The following AMOTL1 variants were observed in gnomAD, a reference collection of about 807,000 sequenced individuals.
The protein encoded by AMOTL1 is angiomotin-like protein 1.
In AMOTL1, 45 loss-of-function variants were observed where a neutral mutation model predicts 102.9. That is an observed-to-expected ratio of 0.44 (90% CI 0.34 to 0.56). AMOTL1 has a LOEUF of 0.56. Among genes scored for constraint, AMOTL1 ranks in the 20% least tolerant of loss-of-function variants. The pLI is 0.01. For missense variants in AMOTL1, 1,114 were observed against 1,225.6 expected, an observed-to-expected ratio of 0.91 and a Z score of 1.36; for synonymous variants, 481 against 484.7, an observed-to-expected ratio of 0.99 and a Z score of 0.10.
chr11:94,730,481 C>T (rs112426256), intron 2 of AMOTL1, among the ~76,000 whole-genome samples: 2 of 152,278 alleles, frequency 1.3e-5, no homozygotes, highest in African/African-American at 4.8e-5. Context: ...CCTCCCTCCT[C>T]AGTGCTGCCA....
intron 3 of AMOTL1, among the ~76,000 whole-genome samples, chr11:94,819,386 A>G (rs898000175): frequency 1.3e-5 from 2 of 152,180 alleles, no homozygotes; most frequent in African/African-American, 2.4e-5. Flanking sequence ...GACACAACAC[A>G]AAGTCATCCC....
intron 3 of AMOTL1, among the ~76,000 whole-genome samples, chr11:94,741,247 A>AGTGC (rs1950522760): frequency 6.6e-6 from 1 of 150,806 alleles, no homozygotes; most frequent in Non-Finnish European, 1.5e-5. Context: ...TGTGTGTGTG[A>AGTGC]GTGCGTGTGT....
At position 94,814,165 on chromosome 11, in the gene AMOTL1, C is replaced by A. The variant is rs369458768; in HGVS notation, c.1122-7365C>A. On this transcript the variant is annotated intron_variant, in intron 3 of 12. Coordinates refer to ENST00000433060, the MANE Select transcript of AMOTL1 (RefSeq NM_130847.3). ...ATCTTTTTATGTCAGGTAGCAATTA[C>A]AAGGAAAACCAAGGAGAGAGGCTGA... 1.1e-3 allele frequency among the ~76,000 whole-genome samples: 173 copies of A among 152,192 alleles called. 5 individuals carry two copies. The South Asian group carries it at 0.034, about 30-fold the overall frequency.
chr11:94,861,329 T>G (rs758984096), intron 9 of AMOTL1, among the ~76,000 whole-genome samples: 5 of 150,270 alleles, frequency 3.3e-5, no homozygotes, highest in Non-Finnish European at 7.4e-5. Flanking sequence ...ATTGAAATGG[T>G]TTTTTTTTCA....
chr11:94,813,764 C>G (rs778393934), intron 3 of AMOTL1, among the ~76,000 whole-genome samples: 1 of 152,210 alleles, frequency 6.6e-6, no homozygotes, highest in African/African-American at 2.4e-5. Context: ...ACAGGAGCTT[C>G]GATCAGGAAT....
rs1591990516 is a variant in AMOTL1 at position 94,811,163 on chromosome 11, G to A, written c.1122-10367G>A. On this transcript the variant is annotated intron_variant, in intron 3 of 12. Transcript: ENST00000433060. ...GGCTTGGCTTGTTACATAAATAAAG[G>A]TGCCCTTGTTATGTAAATAAAGCCC... Among the ~76,000 whole-genome samples the A allele has an allele frequency of 2.0e-5, 3 of 151,942 alleles. No individual in the cohort carries two copies. The South Asian group carries it at 6.2e-4, about 32-fold the overall frequency.
chr11:94,762,572 C>G (rs1950806824), intron 3 of AMOTL1, among the ~76,000 whole-genome samples: 1 of 152,158 alleles, frequency 6.6e-6, no homozygotes, highest in South Asian at 2.1e-4. Flanking sequence ...TTTCAGTACT[C>G]CCAAGGTTTC....
chr11:94,710,155 C>A (rs1294898662), intron 1 of AMOTL1, among the ~76,000 whole-genome samples: 1 of 152,186 alleles, frequency 6.6e-6, no homozygotes, highest in Non-Finnish European at 1.5e-5. Flanking sequence ...TGTGCCCAAT[C>A]CTCCACATGG....
chr11:94,830,208 T>A lies in AMOTL1; in HGVS notation c.1558+14T>A. 1 of 1,588,314 alleles carries A rather than the reference T, an allele frequency of 6.3e-7. No homozygotes were observed. The highest frequency in any genetic ancestry group is 1.2e-5 in the South Asian group (1 of 85,234). On this transcript the variant is annotated intron_variant, in intron 5 of 12. Coordinates refer to ENST00000433060, the MANE Select transcript of AMOTL1 (RefSeq NM_130847.3). ...GAGACCTCCGAGGCAGGTTTATTCA[T>A]GTTCTCTCTATCTAAACTACCTGTA...
At position 94,864,762 on chromosome 11, in the gene AMOTL1, G is replaced by T; in HGVS notation, c.2163G>T (p.Arg721=). The change falls in exon 10 of 13, where the codon CGG becomes CGT. Residue 721 remains arginine (R), a synonymous_variant. Coordinates refer to ENST00000433060, the MANE Select transcript of AMOTL1 (RefSeq NM_130847.3). ...ERDTTIINHS[R]NGSYGESSLE... ...ACACCACGATCATCAACCACTCACG[G>T]AATGGCAGCTACGGAGAGAGCTCGC... is the stretch of plus-strand genomic sequence containing the variant. 6.2e-7 allele frequency: 1 copy of T among 1,613,726 alleles called. No individual in the cohort carries two copies. The highest frequency in any genetic ancestry group is 8.5e-7 in the Non-Finnish European group (1 of 1,179,718).
chr11:94,771,823 C>G (rs1175652979), intron 1 of AMOTL1, among the ~76,000 whole-genome samples: 2 of 152,098 alleles, frequency 1.3e-5, no homozygotes, highest in Admixed American at 6.5e-5. Flanking sequence ...CATTTTCCCC[C>G]CATCTTTTAG....
chr11:94,753,838 C>T (rs1439651684), intron 3 of AMOTL1, among the ~76,000 whole-genome samples: 1 of 152,200 alleles, frequency 6.6e-6, no homozygotes, highest in Non-Finnish European at 1.5e-5. Context: ...ATACTGCCTA[C>T]AACTTGCCAC....
At chr11:94,714,819 C>A (rs1404773066) in intron 1 of AMOTL1, among the ~76,000 whole-genome samples, 3 of 151,990 alleles carry the variant, frequency 2.0e-5, no homozygotes, top group Non-Finnish European at 4.4e-5. Flanking sequence ...TAATAACCAG[C>A]TTTTTATTTC....
chr11:94,768,662 G>A, intron 1 of AMOTL1, 102 bp downstream of exon 1: 2 of 1,513,114 alleles, frequency 1.3e-6, no homozygotes, highest in Non-Finnish European at 1.8e-6. Flanking sequence ...CTCACGGAAG[G>A]GGGCAGCTTC....
At chr11:94,751,893 C>T (rs1950660728) in intron 3 of AMOTL1, among the ~76,000 whole-genome samples, 1 of 151,960 alleles carries the variant, frequency 6.6e-6, no homozygotes, top group African/African-American at 2.4e-5. Flanking sequence ...GAAGAGTGGC[C>T]ATTCATTCCT....
chr11:94,737,090 TA>T (rs1001633518), intron 2 of AMOTL1, among the ~76,000 whole-genome samples: 39 of 152,366 alleles, frequency 2.6e-4, no homozygotes, highest in African/African-American at 9.1e-4. Flanking sequence ...TTCAAATAAC[TA>T]AAATGTTGTA....
chr11:94,789,846 T>A (rs949808555), intron 1 of AMOTL1, among the ~76,000 whole-genome samples: 5 of 152,206 alleles, frequency 3.3e-5, no homozygotes, highest in Admixed American at 2.6e-4. Flanking sequence ...ATCTCTGTTA[T>A]AAAGTTATAG....
intron 1 of AMOTL1, among the ~76,000 whole-genome samples, chr11:94,708,252 C>G (rs948768601): frequency 6.6e-6 from 1 of 152,194 alleles, no homozygotes; most frequent in South Asian, 2.1e-4. Context: ...CAGAGAAGAA[C>G]TTGAAATGCT....
chr11:94,784,815 C>T (rs1447000781), intron 1 of AMOTL1, among the ~76,000 whole-genome samples: 1 of 152,146 alleles, frequency 6.6e-6, no homozygotes, highest in East Asian at 1.9e-4. Context: ...CCAAAAACAT[C>T]ATTTCTGGTC....
Sources: allele counts gnomAD v4.1 joint callset (sites outside exome capture counted in the v4.1 genomes callset), GRCh38; gene constraint gnomAD v4.1.1; transcripts MANE v1.5; gene names NCBI Gene and HGNC (gene_info 2026-07-23, HGNC 2026-07-21).